The following TAFA5 variants were observed in gnomAD, a reference collection of about 807,000 sequenced individuals.
TAFA5 encodes TAFA chemokine like family member 5.
Under a neutral mutation model 15.3 loss-of-function variants are expected in TAFA5, and 6 were observed. That is an observed-to-expected ratio of 0.39 (90% CI 0.21 to 0.77). TAFA5 has a LOEUF of 0.77. TAFA5 is among the 30% of genes least tolerant of loss of function. TAFA5 has a pLI of 0.41. For missense variants in TAFA5, 161 were observed against 193.1 expected, an observed-to-expected ratio of 0.83 and a Z score of 0.98; for synonymous variants, 103 against 80.7, an observed-to-expected ratio of 1.28 and a Z score of -1.48.
At chr22:48,617,557 C>A (rs1925654796) in intron 1 of TAFA5, among the ~76,000 whole-genome samples, 1 of 152,256 alleles carries the variant, frequency 6.6e-6, no homozygotes, top group Non-Finnish European at 1.5e-5. Context: ...TCTCGCAGAA[C>A]CTCGGCACTC....
At chr22:48,621,197 T>C (rs1265617672) in intron 1 of TAFA5, among the ~76,000 whole-genome samples, 1 of 59,738 alleles carries the variant, frequency 1.7e-5, no homozygotes, top group East Asian at 5.8e-4. Flanking sequence ...CCACCCACAC[T>C]ATCCACCCAG....
chr22:48,546,876 G>T (rs1569021159), intron 1 of TAFA5: 1 of 273,936 alleles, frequency 3.7e-6, no homozygotes, highest in Admixed American at 4.8e-5. Context: ...GCCACAAGCT[G>T]TTACTACCGA....
intron 3 of TAFA5, among the ~76,000 whole-genome samples, chr22:48,741,792 C>T (rs1930187804): frequency 6.6e-6 from 1 of 152,214 alleles, no homozygotes; most frequent in Non-Finnish European, 1.5e-5. Context: ...CAGCGAATGT[C>T]CTTTGTTCAA....
chr22:48,591,370 C>T (rs1052060205), intron 1 of TAFA5, among the ~76,000 whole-genome samples: 7 of 152,218 alleles, frequency 4.6e-5, no homozygotes, highest in Non-Finnish European at 7.3e-5. Context: ...TGGGTGTTCC[C>T]GTCGCAAGCC....
At chr22:48,634,742 C>T (rs1926385106) in intron 1 of TAFA5, among the ~76,000 whole-genome samples, 1 of 137,544 alleles carries the variant, frequency 7.3e-6, no homozygotes, top group Non-Finnish European at 1.5e-5. Context: ...TTCACTCTCT[C>T]ACTCATTCAT....
intron 2 of TAFA5, among the ~76,000 whole-genome samples, chr22:48,684,890 C>A (rs546053064): frequency 6.6e-6 from 1 of 152,348 alleles, no homozygotes; most frequent in South Asian, 2.1e-4. Flanking sequence ...TGCTGATAGG[C>A]TGTGTTGACC....
intron 1 of TAFA5, among the ~76,000 whole-genome samples, chr22:48,498,862 T>G (rs1479691071): frequency 6.6e-6 from 1 of 151,950 alleles, no homozygotes; most frequent in Non-Finnish European, 1.5e-5. Flanking sequence ...CAAGCACACT[T>G]GTGCTGGTAT....
intron 2 of TAFA5, among the ~76,000 whole-genome samples, chr22:48,678,791 G>A (rs1310175169): frequency 6.6e-6 from 1 of 152,128 alleles, no homozygotes; most frequent in African/African-American, 2.4e-5. Flanking sequence ...GTGTACATTT[G>A]TGTATTTCAA....
intron 1 of TAFA5, among the ~76,000 whole-genome samples, chr22:48,557,762 C>G (rs1438988893): frequency 2.0e-5 from 3 of 152,172 alleles, no homozygotes; most frequent in African/African-American, 7.2e-5. Flanking sequence ...CCTTAGCAGG[C>G]GGTGATGGGC....
chr22:48,596,402 C>T (rs1036273278), intron 1 of TAFA5, among the ~76,000 whole-genome samples: 22 of 152,200 alleles, frequency 1.4e-4, no homozygotes, highest in African/African-American at 5.1e-4. Context: ...CTGATTAACG[C>T]TCCTCAGCGC....
intron 2 of TAFA5, among the ~76,000 whole-genome samples, chr22:48,683,590 A>C (rs1396536984): frequency 6.6e-6 from 1 of 152,198 alleles, no homozygotes; most frequent in Non-Finnish European, 1.5e-5. Flanking sequence ...ACGGCTCAGG[A>C]ACAGCCTCCC....
chr22:48,573,591 C>CA lies in TAFA5; in HGVS notation c.113-73004dup, dbSNP rs376974969. The stretch of plus-strand genomic sequence containing the variant: ...CTGTGATTGCTTTTAAAAGTGTAAG[C>CA]AATGCCACATGCATTTACTAACAGG... On this transcript the variant is annotated intron_variant, in intron 1 of 3. Coordinates refer to ENST00000402357, the MANE Select transcript of TAFA5 (RefSeq NM_001082967.3). Among the ~76,000 whole-genome samples, 661 of 152,272 alleles carry CA rather than the reference C, an allele frequency of 4.3e-3. 2 individuals carry two copies. Among genetic ancestry groups the CA allele is most frequent in the African/African-American group, 0.015 (631 of 41,542 alleles).
At chr22:48,695,739 G>A (rs1041284523) in intron 2 of TAFA5, among the ~76,000 whole-genome samples, 1 of 152,176 alleles carries the variant, frequency 6.6e-6, no homozygotes, top group Admixed American at 6.5e-5. Context: ...GGCAGCAGGG[G>A]CACCTTCCTG....
At chr22:48,519,362 G>A (rs867319395) in intron 1 of TAFA5, among the ~76,000 whole-genome samples, 11 of 152,210 alleles carry the variant, frequency 7.2e-5, no homozygotes, top group Admixed American at 1.3e-4. Flanking sequence ...TGTTTATCGC[G>A]CAATCGCGTA....
intron 1 of TAFA5, among the ~76,000 whole-genome samples, chr22:48,570,524 C>T (rs568824880): frequency 4.6e-5 from 7 of 152,298 alleles, no homozygotes; most frequent in African/African-American, 7.2e-5. Flanking sequence ...GCCCTGATCA[C>T]GAATACATTT....
At chr22:48,626,916 TTCCAGCTGC>T (rs1282087842) in intron 1 of TAFA5, among the ~76,000 whole-genome samples, 2 of 152,220 alleles carry the variant, frequency 1.3e-5, no homozygotes, top group Non-Finnish European at 2.9e-5. Flanking sequence ...CCTGTGGACC[TTCCAGCTGC>T]TCCAGCCCCG....
At chr22:48,701,150 C>T (rs943461359) in intron 2 of TAFA5, among the ~76,000 whole-genome samples, 17 of 152,182 alleles carry the variant, frequency 1.1e-4, no homozygotes, top group African/African-American at 4.1e-4. Flanking sequence ...GAGTGGGTGT[C>T]TCAGGACCGG....
intron 1 of TAFA5, among the ~76,000 whole-genome samples, chr22:48,493,916 C>T (rs1928239226): frequency 1.3e-5 from 2 of 152,326 alleles, no homozygotes; most frequent in African/African-American, 4.8e-5. Context: ...ACTGTCCCCT[C>T]CCACCTTCCA....
chr22:48,551,610 G>A (rs974694832), intron 1 of TAFA5, among the ~76,000 whole-genome samples: 6 of 152,116 alleles, frequency 3.9e-5, no homozygotes, highest in East Asian at 1.9e-4. Flanking sequence ...GGGGTCTGTC[G>A]CAAGTGTTTT....
Sources: gnomAD v4.1 joint callset for allele counts (sites outside exome capture counted in the v4.1 genomes callset) on GRCh38, gnomAD v4.1.1 for gene constraint, MANE v1.5 for transcripts, NCBI Gene and HGNC (gene_info 2026-07-23, HGNC 2026-07-21) for gene names.